The following VWA3B variants were observed in gnomAD, a reference collection of about 807,000 sequenced individuals.
The protein encoded by VWA3B is von Willebrand factor A domain containing 3B.
In VWA3B, 138 loss-of-function variants were observed where a neutral mutation model predicts 158.3. That is an observed-to-expected ratio of 0.87 (90% CI 0.76 to 1.00). VWA3B has a LOEUF of 1.00. Ranked by LOEUF, VWA3B falls within the 50% of genes least tolerant of loss-of-function variation. VWA3B has a pLI of 0.00. For missense variants in VWA3B, 1,555 were observed against 1,565.1 expected (o/e 0.99, Z 0.11); for synonymous variants, 596 against 587.3 (o/e 1.01, Z -0.21).
At chr2:98,205,166 C>A (rs1489175958) in intron 12 of VWA3B, among the ~76,000 whole-genome samples, 1 of 152,154 alleles carries the variant, frequency 6.6e-6, no homozygotes, top group African/African-American at 2.4e-5. Context: ...GACACAGATA[C>A]TTCTTTTCAG....
At chr2:98,326,760 A>AAAAT in the VWA3B span, among the ~76,000 whole-genome samples, 2 of 152,054 alleles carry the variant, frequency 1.3e-5, no homozygotes, top group East Asian at 3.9e-4. Flanking sequence ...CTATCTCAAG[A>AAAAT]AAATAAATAA....
chr2:98,199,892 T>G (rs1682382147), intron 12 of VWA3B, among the ~76,000 whole-genome samples: 1 of 152,224 alleles, frequency 6.6e-6, no homozygotes, highest in Non-Finnish European at 1.5e-5. Context: ...CTGGCCAGTA[T>G]GCTAAGTGTA....
chr2:98,133,932 C>T lies in VWA3B; in HGVS notation c.981C>T (p.Leu327=), dbSNP rs1676060551. 1 of 1,614,008 alleles carries T rather than the reference C, an allele frequency of 6.2e-7. No individual in the cohort carries two copies. Among genetic ancestry groups the T allele is most frequent in the Non-Finnish European group, 8.5e-7 (1 of 1,179,884 alleles). ...ATTCAAGGAAACTGAAAGGAAAACT[C>T]CCTCCAGGTACCTGGAATCCAAAAG... ...TWNSRKLKGK[L]PPGAGVREDV... Residue 327 remains leucine (L), a synonymous_variant, in exon 7 of 28, where the codon CTC becomes CTT. Transcript: ENST00000477737.
intron 23 of VWA3B, among the ~76,000 whole-genome samples, chr2:98,295,371 T>C (rs898897079): frequency 1.3e-5 from 2 of 152,224 alleles, no homozygotes; most frequent in Admixed American, 6.5e-5. Flanking sequence ...CTCATGCATC[T>C]TTCACCAAAC....
intron 13 of VWA3B, among the ~76,000 whole-genome samples, chr2:98,215,292 T>C (rs1574102075): frequency 1.3e-5 from 2 of 151,444 alleles, no homozygotes; most frequent in South Asian, 4.2e-4. Context: ...AATACAAAAA[T>C]TAGCTGGGCC....
At chr2:98,199,776 C>T (rs1471523288) in intron 12 of VWA3B, among the ~76,000 whole-genome samples, 4 of 152,116 alleles carry the variant, frequency 2.6e-5, no homozygotes, top group African/African-American at 4.8e-5. Context: ...GCAGACAGCA[C>T]GTCTGTTGCA....
intron 21 of VWA3B, among the ~76,000 whole-genome samples, chr2:98,268,624 A>G (rs1161598069): frequency 6.7e-6 from 1 of 148,846 alleles, no homozygotes. Flanking sequence ...CTCATTGAGC[A>G]TCATTAACAT....
At chr2:98,217,089 C>T in intron 13 of VWA3B, 1 of 779,106 alleles carries the variant, frequency 1.3e-6, no homozygotes, top group Non-Finnish European at 1.8e-6. Flanking sequence ...GGGTTCCCCT[C>T]AATGGCAGAG....
intron 3 of VWA3B, among the ~76,000 whole-genome samples, chr2:98,116,955 G>T (rs1003045027): frequency 6.6e-6 from 1 of 152,184 alleles, no homozygotes; most frequent in Non-Finnish European, 1.5e-5. Flanking sequence ...GTAGTGAATT[G>T]TTCAATTCCA....
intron 23 of VWA3B, among the ~76,000 whole-genome samples, chr2:98,294,443 G>A (rs937612995): frequency 1.3e-5 from 2 of 152,244 alleles, no homozygotes; most frequent in African/African-American, 2.4e-5. Flanking sequence ...CAGACTGGCT[G>A]TTGCCACTGT....
chr2:98,322,970 C>T, the VWA3B span, among the ~76,000 whole-genome samples: 6 of 151,980 alleles, frequency 3.9e-5, no homozygotes, highest in South Asian at 2.1e-4. Context: ...ATTAAGTGTA[C>T]GAAAAACAAC....
chr2:98,319,836 C>T, the VWA3B span, among the ~76,000 whole-genome samples: 15 of 151,648 alleles, frequency 9.9e-5, no homozygotes, highest in East Asian at 1.9e-4. Flanking sequence ...GCCTAGATCA[C>T]GCCACTGCAC....
At chr2:98,245,367 A>T in intron 19 of VWA3B, 1 of 364,148 alleles carries the variant, frequency 2.7e-6, no homozygotes, top group South Asian at 2.1e-5. Flanking sequence ...TTATGACCTC[A>T]TAGTCACACT....
chr2:98,314,317 T>A (rs953017300), downstream of VWA3B, among the ~76,000 whole-genome samples: 4 of 151,944 alleles, frequency 2.6e-5, no homozygotes, highest in Non-Finnish European at 4.4e-5. Flanking sequence ...AATAAGTGCA[T>A]GGCTGTGAGG....
At chr2:98,327,633 AG>A in the VWA3B span, among the ~76,000 whole-genome samples, 1 of 152,218 alleles carries the variant, frequency 6.6e-6, no homozygotes, top group Non-Finnish European at 1.5e-5. Context: ...ACAAACTTTC[AG>A]GAAAACAGGA....
At chr2:98,089,990 A>G (rs1435546533) in intron 1 of VWA3B, among the ~76,000 whole-genome samples, 2 of 152,106 alleles carry the variant, frequency 1.3e-5, no homozygotes, top group Non-Finnish European at 1.5e-5. Flanking sequence ...AGGTTCCCAA[A>G]TCCACTTTAC....
chr2:98,236,651 T>C lies in VWA3B; in HGVS notation c.2594T>C (p.Leu865Ser). Residue 865 changes from leucine to serine, a missense_variant, in exon 19 of 28, where the codon TTG becomes TCG. Transcript: ENST00000477737. ...VAKKLTLMDA[L>S]SVAAVPHSST... ...AAGAAACTCACCCTCATGGATGCCTTGTCAGTGGCAGCAGTCCCGCACAGC... is the reference window on the plus strand; with the variant it reads ...AAGAAACTCACCCTCATGGATGCCTCGTCAGTGGCAGCAGTCCCGCACAGC... 1.2e-6 allele frequency: 2 copies of C among 1,614,218 alleles called. No homozygotes were observed. The highest frequency in any genetic ancestry group is 1.7e-6 in the Non-Finnish European group (2 of 1,180,036).
Position 98,222,782 on chromosome 2 carries a change from C to T in VWA3B, c.2019+4754C>T, listed in dbSNP as rs115537005. On this transcript the variant is annotated intron_variant, in intron 14 of 27. Coordinates refer to ENST00000477737, the MANE Select transcript of VWA3B (RefSeq NM_144992.5). ...CAAGATAATACCAAAAGCTTCTGAA[C>T]ATCAAACTGCCGTTGGAGCAAAGAC... 6.8e-3 allele frequency among the ~76,000 whole-genome samples: 1,041 copies of T among 152,344 alleles called. 10 individuals are homozygous for T. The highest frequency in any genetic ancestry group is 0.024 in the African/African-American group (992 of 41,572).
rs540951779 is a variant in VWA3B at position 98,261,099 on chromosome 2, T to C, written c.2843+4925T>C. 6.6e-4 allele frequency among the ~76,000 whole-genome samples: 101 copies of C among 151,938 alleles called. 1 individual carries two copies. Among genetic ancestry groups the C allele is most frequent in the Non-Finnish European group, 1.2e-3 (83 of 67,750 alleles). ...TTTTGCATGTCAAAAGTTTTGTTCC[T>C]CAATTTGTCCAATATTTGTTTCTTT... On this transcript the variant is annotated intron_variant, in intron 21 of 27. Coordinates refer to ENST00000477737, the MANE Select transcript of VWA3B (RefSeq NM_144992.5).
Sources: allele counts gnomAD v4.1 joint callset (sites outside exome capture counted in the v4.1 genomes callset), GRCh38; gene constraint gnomAD v4.1.1; transcripts MANE v1.5; gene names NCBI Gene and HGNC (gene_info 2026-07-23, HGNC 2026-07-21).